The following PCDHGB2 variants were observed in gnomAD, a reference collection of about 807,000 sequenced individuals.
PCDHGB2 encodes the protein protocadherin gamma-B2.
Under a neutral mutation model 59.3 loss-of-function variants are expected in PCDHGB2, and 55 were observed. The ratio of observed to expected loss-of-function variants is 0.93; its 90% confidence interval spans 0.75 to 1.16. The LOEUF is 1.16. Ranked by LOEUF, PCDHGB2 falls within the 50% of genes most tolerant of loss-of-function variation. PCDHGB2 has a pLI of 0.00. For synonymous variants in PCDHGB2, 516 were observed against 512.0 expected (o/e 1.01, Z -0.11); for missense variants, 1,228 against 1,198.5 (o/e 1.02, Z -0.36).
At position 141,489,125 on chromosome 5, in the gene PCDHGB2, G is replaced by T. The variant is rs537146985; in HGVS notation, c.2422-5682G>T. 1.1e-4 allele frequency: 77 copies of T among 728,124 alleles called. No individual in the cohort carries two copies. The East Asian group carries it at 1.9e-3, about 18-fold the overall frequency. 45.1% of individuals were successfully genotyped at this position (728,124 alleles called of 1,614,324 possible). A position where few individuals can be genotyped will look rare whatever the true frequency, so the allele number is the denominator to read the frequency against. ...CTGCAAGCAGGCAAACCTCCGAGCAGTTTTTAAGAGGCTGGAAGGAGACAT... is the reference window on the plus strand; with the variant it reads ...CTGCAAGCAGGCAAACCTCCGAGCATTTTTTAAGAGGCTGGAAGGAGACAT... On this transcript the variant is annotated intron_variant, in intron 1 of 3. Coordinates refer to ENST00000522605, the MANE Select transcript of PCDHGB2 (RefSeq NM_018923.3). The surrounding 1 kb of genome is among the most constrained non-coding windows in gnomAD (Gnocchi z 4.5).
chr5:141,418,513 G>A (rs377653202), intron 1 of PCDHGB2: 1 of 1,613,960 alleles, frequency 6.2e-7, no homozygotes, highest in Non-Finnish European at 8.5e-7. Flanking sequence ...TAGATGGTGG[G>A]GACCCTCCCC....
chr5:141,476,912 G>A lies in PCDHGB2; in HGVS notation c.2422-17895G>A, dbSNP rs1196222770. 1.9e-6 allele frequency: 3 copies of A among 1,614,098 alleles called. No homozygotes were observed. Among genetic ancestry groups the A allele is most frequent in the Non-Finnish European group, 2.5e-6 (3 of 1,180,048 alleles). On this transcript the variant is annotated intron_variant, in intron 1 of 3. Coordinates refer to ENST00000522605, the MANE Select transcript of PCDHGB2 (RefSeq NM_018923.3). The surrounding 1 kb of genome is among the most constrained non-coding windows in gnomAD (Gnocchi z 7.6). Reference sequence around the variant, plus strand: ...ACCCTCCGGCACGCGCGTGGTACAAGTCCTTGCAACGGATCTGGATGAAGG... The same window carrying A: ...ACCCTCCGGCACGCGCGTGGTACAAATCCTTGCAACGGATCTGGATGAAGG...
At chr5:141,408,910 T>A in intron 1 of PCDHGB2, 1 of 1,613,256 alleles carries the variant, frequency 6.2e-7, no homozygotes, top group Non-Finnish European at 8.5e-7. Flanking sequence ...AGGATACCAA[T>A]GATAACCCCC....
intron 1 of PCDHGB2, among the ~76,000 whole-genome samples, chr5:141,465,094 G>GTT (rs138941665): frequency 3.4e-5 from 5 of 148,194 alleles, no homozygotes; most frequent in Non-Finnish European, 6.0e-5. Flanking sequence ...TTTTCTAGTA[G>GTT]TTTTTTTTTT....
chr5:141,375,952 G>C (rs1032808913), intron 1 of PCDHGB2: 7 of 1,613,514 alleles, frequency 4.3e-6, no homozygotes, highest in South Asian at 1.1e-5. Flanking sequence ...GCCTGCACAC[G>C]GGCGAGGTGC....
intron 1 of PCDHGB2, chr5:141,410,053 C>T: frequency 6.2e-7 from 1 of 1,613,160 alleles, no homozygotes; most frequent in African/African-American, 1.3e-5. Context: ...CCGGACTCTT[C>T]AGCCTGGGGC....
chr5:141,498,971 GGGAAGGAAGGAAGGAAGGAAGGAAGGAA>G (rs201769957), intron 2 of PCDHGB2, among the ~76,000 whole-genome samples: 8 of 111,052 alleles, frequency 7.2e-5, no homozygotes, highest in South Asian at 3.8e-4. Flanking sequence ...GAGGGAGGGA[GGGAAGGAAGGAAGGAAGGAAGGAAGGAA>G]GGAAGGAAGG....
intron 1 of PCDHGB2, among the ~76,000 whole-genome samples, chr5:141,369,256 A>G (rs1385163233): frequency 6.6e-6 from 1 of 152,192 alleles, no homozygotes. Context: ...AAATAATATA[A>G]TTATAAGGAC....
chr5:141,489,293 T>G lies in PCDHGB2; in HGVS notation c.2422-5514T>G. The G allele has an allele frequency of 6.3e-7, 1 of 1,579,940 alleles. No homozygotes were observed. Among genetic ancestry groups the G allele is most frequent in the Non-Finnish European group, 8.6e-7 (1 of 1,162,928 alleles). ...GCTGGGAAATGGCAAGTGCTGTGCA[T>G]GTTGTCCTTGTGCTGCTGGGGCTGG... On this transcript the variant is annotated intron_variant, in intron 1 of 3. Transcript: ENST00000522605. This position sits in a 1 kb window ranked among gnomAD's most constrained non-coding sequence, Gnocchi z 4.5.
chr5:141,477,978 T>A lies in PCDHGB2; in HGVS notation c.2422-16829T>A. ...TCCCCTAACCAGAGCCTTTTTGCCA[T>A]AGGGCTGCACACTGGTCAAATCAGT... is the stretch of plus-strand genomic sequence containing the variant. On this transcript the variant is annotated intron_variant, in intron 1 of 3. Transcript: ENST00000522605. The surrounding 1 kb of genome is among the most constrained non-coding windows in gnomAD (Gnocchi z 4.9). The A allele has an allele frequency of 6.2e-7, 1 of 1,614,120 alleles. No individual in the cohort carries two copies. Among genetic ancestry groups the A allele is most frequent in the Non-Finnish European group, 8.5e-7 (1 of 1,180,022 alleles).
At chr5:141,507,474 C>T (rs774159694) in intron 3 of PCDHGB2, among the ~76,000 whole-genome samples, 2 of 152,196 alleles carry the variant, frequency 1.3e-5, no homozygotes, top group Non-Finnish European at 2.9e-5. Flanking sequence ...GCAGGGACTG[C>T]TGGCCTCCTG....
intron 1 of PCDHGB2, chr5:141,427,797 G>A (rs1194658203): frequency 6.0e-6 from 9 of 1,505,188 alleles, no homozygotes; most frequent in Admixed American, 3.4e-5. Context: ...CTACGTGTCC[G>A]TGAGCGCACA....
chr5:141,366,958 A>G, intron 1 of PCDHGB2: 1 of 658,344 alleles, frequency 1.5e-6, no homozygotes, highest in Non-Finnish European at 2.4e-6. Flanking sequence ...TGTAGACTTA[A>G]GTGAAACAAA....
intron 1 of PCDHGB2, chr5:141,398,172 A>G (rs1386610242): frequency 6.1e-6 from 9 of 1,476,892 alleles, no homozygotes; most frequent in Non-Finnish European, 7.2e-6. Context: ...AGAGGCTGCC[A>G]GTGCTCTTTC....
At chr5:141,462,648 C>T (rs2099044153) in intron 1 of PCDHGB2, among the ~76,000 whole-genome samples, 1 of 137,364 alleles carries the variant, frequency 7.3e-6, no homozygotes, top group Admixed American at 7.1e-5. Flanking sequence ...TCATTTCCAT[C>T]CTCAATTATC....
chr5:141,398,325 G>A, intron 1 of PCDHGB2: 9 of 1,355,732 alleles, frequency 6.6e-6, no homozygotes, highest in Non-Finnish European at 8.2e-6. Flanking sequence ...CTCGAAAACT[G>A]CGCGTCAGTT....
In PCDHGB2 at chr5:141,384,747, C is replaced by G. The variant is rs755356826; in HGVS notation, c.2421+22191C>G. 28 of 1,613,942 alleles carry G rather than the reference C, an allele frequency of 1.7e-5. No homozygotes were observed. The South Asian group carries it at 3.0e-4, about 17-fold the overall frequency. The stretch of plus-strand genomic sequence containing the variant: ...TGCTTAAGGCCAGCGAGCCAGGACT[C>G]TTTGCGGTTGGGCTGTACACGGGCG... On this transcript the variant is annotated intron_variant, in intron 1 of 3. Transcript: ENST00000522605.
At chr5:141,495,392 G>A (rs2099760968) in intron 2 of PCDHGB2, among the ~76,000 whole-genome samples, 2 of 152,186 alleles carry the variant, frequency 1.3e-5, no homozygotes, top group Non-Finnish European at 2.9e-5. Context: ...GGCGGGGCAT[G>A]GAGCAGGCCC....
Position 141,432,826 on chromosome 5 carries a change from CACTCTGTACCT to C in PCDHGB2, c.2422-61980_2422-61970del, listed in dbSNP as rs1251102522. 6.2e-7 allele frequency: 1 copy of C among 1,614,096 alleles called. No homozygotes were observed. Among genetic ancestry groups the C allele is most frequent in the Non-Finnish European group, 8.5e-7 (1 of 1,180,020 alleles). On this transcript the variant is annotated intron_variant, in intron 1 of 3. Coordinates refer to ENST00000522605, the MANE Select transcript of PCDHGB2 (RefSeq NM_018923.3). This position sits in a 1 kb window ranked among gnomAD's most constrained non-coding sequence, Gnocchi z 6.0. Reference sequence around the variant, plus strand: ...CAGCTAACTCTGAAACCTCAGACCTCACTCTGTACCTGGTGGTAGCGGTGGCCGCGGTCTCC... The same window carrying C: ...CAGCTAACTCTGAAACCTCAGACCTCGGTGGTAGCGGTGGCCGCGGTCTCC...
Sources: allele counts gnomAD v4.1 joint callset (sites outside exome capture counted in the v4.1 genomes callset), GRCh38; gene constraint gnomAD v4.1.1; non-coding constraint Gnocchi (gnomAD v3.1); transcripts MANE v1.5; gene names NCBI Gene and HGNC (gene_info 2026-07-23, HGNC 2026-07-21).